TP53I13: variants seen among roughly 807,000 people sequenced by gnomAD.
TP53I13 encodes tumor protein p53-inducible protein 13.
Under a neutral mutation model 39.1 loss-of-function variants are expected in TP53I13, and 27 were observed. The ratio of observed to expected loss-of-function variants is 0.69; its 90% CI spans 0.51 to 0.95. TP53I13 has a LOEUF of 0.95. TP53I13 is among the 40% of genes least tolerant of loss of function. TP53I13 has a pLI of 0.00. For missense variants in TP53I13, 544 were observed against 520.4 expected, an observed-to-expected ratio of 1.05 and a Z score of -0.44; for synonymous variants, 230 against 224.6, an observed-to-expected ratio of 1.02 and a Z score of -0.22.
chr17:29,577,100 G>T (rs370437304), downstream of TP53I13: 4 of 1,605,670 alleles, frequency 2.5e-6, no homozygotes, highest in East Asian at 8.9e-5. Context: ...CTGGAGCCCC[G>T]CCTGCTTCCC....
upstream of TP53I13, chr17:29,566,701 C>A: frequency 1.3e-6 from 2 of 1,583,838 alleles, no homozygotes; most frequent in Middle Eastern, 1.7e-4. Flanking sequence ...CGCCTCTGAG[C>A]GCCGCAGGGC....
At chr17:29,575,729 G>A (rs79321602), downstream of TP53I13, 2,679 of 1,611,858 alleles carry the variant, frequency 1.7e-3, 84 homozygotes, top group East Asian at 0.043. This position sits in a 1 kb window ranked among gnomAD's most constrained non-coding sequence, Gnocchi z 5.5. Flanking sequence ...AAGGGGCTGT[G>A]AGCGCCGTGT....
At chr17:29,578,679 G>A in the TP53I13 span, 434 of 1,472,148 alleles carry the variant, frequency 2.9e-4, 2 homozygotes, top group South Asian at 4.5e-3. Context: ...GAGGGTGGGG[G>A]ATCAGAGAGG....
downstream of TP53I13, chr17:29,576,199 T>C (rs2033191794): frequency 6.2e-7 from 1 of 1,605,566 alleles, no homozygotes; most frequent in Non-Finnish European, 8.5e-7. Context: ...CCCCACACCT[T>C]GAGACCCATA....
chr17:29,566,555 C>T, upstream of TP53I13: 1 of 1,609,880 alleles, frequency 6.2e-7, no homozygotes, highest in Non-Finnish European at 8.5e-7. Context: ...ACCACCCAGT[C>T]CAGGGCCACT....
intron 3 of TP53I13, chr17:29,569,859 C>T (rs1271152020): frequency 6.6e-6 from 1 of 152,504 alleles, no homozygotes; most frequent in Admixed American, 6.5e-5. Context: ...GCGGGCTCAG[C>T]TTGCGTGGTA....
chr17:29,566,725 T>C, upstream of TP53I13: 2 of 1,572,852 alleles, frequency 1.3e-6, no homozygotes, highest in Non-Finnish European at 1.7e-6. Context: ...CAGCAGGCAC[T>C]GGGCCAGGGC....
chr17:29,579,580 T>C, the TP53I13 span, among the ~76,000 whole-genome samples: 2 of 151,960 alleles, frequency 1.3e-5, no homozygotes, highest in Non-Finnish European at 1.5e-5. Context: ...ACAAAAGCAA[T>C]TTAAAAATTA....
At chr17:29,569,640 CTCTG>C in intron 3 of TP53I13, 1 of 341,080 alleles carries the variant, frequency 2.9e-6, no homozygotes, top group Admixed American at 4.3e-5. Flanking sequence ...GTGGAACTCT[CTCTG>C]AGAGTAGCTG....
chr17:29,572,883 C>T lies in TP53I13; in HGVS notation c.1141C>T (p.Pro381Ser), dbSNP rs765927825. Residue 381 changes from proline to serine, a missense_variant, in exon 7 of 7, where the codon CCC (proline) becomes TCC (serine). Transcript: ENST00000301057. ...KRSRRRPLLP[P>S]TPDSGPEGES... ...CTCGCGCCGGAGACCCCTCCTCCCG[C>T]CCACGCCGGACAGCGGCCCGGAAGG... The T allele has an allele frequency of 1.3e-5, 20 of 1,516,552 alleles. No individual in the cohort carries two copies. The East Asian group carries it at 3.3e-4, about 25-fold the overall frequency. 93.9% of individuals were successfully genotyped at this position (1,516,552 alleles called of 1,614,324 possible).
At chr17:29,572,101 G>C (rs1422192522) in intron 5 of TP53I13, 41 bp from the exon 6 acceptor site, 1 of 1,611,474 alleles carries the variant, frequency 6.2e-7, no homozygotes, top group African/African-American at 1.3e-5. Context: ...CGGGTTCTCT[G>C]AGAGGGGCAG....
Position 29,572,824 on chromosome 17 carries a change from G to A in TP53I13, c.1082G>A (p.Arg361Gln), listed in dbSNP as rs1291253581. The stretch of plus-strand genomic sequence containing the variant: ...GCCCGGCCCACAGCTGTGCTGAAGC[G>A]GAGGCTGCTGCAGCCCTCGCGCCGG... Reference protein sequence around the residue: ...SQDTVAAVLKRRLLQPSRRVK... With the variant: ...SQDTVAAVLKQRLLQPSRRVK... Residue 361 changes from arginine to glutamine, a missense_variant, in exon 7 of 7, where the codon CGG (arginine) becomes CAG (glutamine). Arg to Gln is a conservative substitution (Grantham distance 43, BLOSUM62 1). Transcript: ENST00000301057. The A allele has an allele frequency of 2.0e-6, 3 of 1,529,578 alleles. No individual in the cohort carries two copies. The highest frequency in any genetic ancestry group is 2.0e-5 in the Admixed American group (1 of 50,422). 94.8% of individuals were successfully genotyped at this position (1,529,578 alleles called of 1,614,324 possible).
At chr17:29,569,108 G>C in intron 2 of TP53I13, 22 bp downstream of exon 2, 1 of 1,574,500 alleles carries the variant, frequency 6.4e-7, no homozygotes, top group East Asian at 2.3e-5. Flanking sequence ...GGAGGGCCCA[G>C]GGAGAGAGGG....
chr17:29,582,247 G>A, the TP53I13 span: 1 of 844,478 alleles, frequency 1.2e-6, no homozygotes, highest in South Asian at 1.6e-5. Context: ...GCAGCTCCAA[G>A]GAGGCCTGCC....
chr17:29,577,815 C>G, downstream of TP53I13: 1 of 900,576 alleles, frequency 1.1e-6, no homozygotes, highest in Non-Finnish European at 1.9e-6. Context: ...AAGCACTGAG[C>G]CCAGCCTTCC....
At chr17:29,572,738 C>T (rs1189664551) in intron 6 of TP53I13, 41 bp downstream of exon 6, 3 of 1,495,410 alleles carry the variant, frequency 2.0e-6, no homozygotes, top group Non-Finnish European at 2.7e-6. Flanking sequence ...GCCCCCGCCC[C>T]ACCTCGCGTC....
chr17:29,567,482 C>CCTCGGGCGGCCCTGCT (rs2032751296), upstream of TP53I13: 1 of 151,918 alleles, frequency 6.6e-6, no homozygotes, highest in African/African-American at 2.4e-5. This position sits in a 1 kb window ranked among gnomAD's most constrained non-coding sequence, Gnocchi z 6.6. Flanking sequence ...CGCGCTCTGC[C>CCTCGGGCGGCCCTGCT]CTCGGGCGGC....
At chr17:29,571,551 G>A (rs751731883) in intron 3 of TP53I13, 40 bp from the exon 4 acceptor site, 28 of 1,608,418 alleles carry the variant, frequency 1.7e-5, no homozygotes, top group Non-Finnish European at 2.2e-5. Context: ...CTCTGGGAGG[G>A]CTCTGGGCCT....
At chr17:29,581,281 C>G in the TP53I13 span, 11 of 1,360,514 alleles carry the variant, frequency 8.1e-6, no homozygotes, top group Non-Finnish European at 2.1e-6. This position sits in a 1 kb window ranked among gnomAD's most constrained non-coding sequence, Gnocchi z 4.8. Context: ...CTCTGGGGGT[C>G]AGCCACCCAC....
Sources: allele counts gnomAD v4.1 joint callset (sites outside exome capture counted in the v4.1 genomes callset), GRCh38; gene constraint gnomAD v4.1.1; non-coding constraint Gnocchi (gnomAD v3.1); transcripts MANE v1.5; gene names NCBI Gene and HGNC (gene_info 2026-07-23, HGNC 2026-07-21).